Variants in ADAMTSL1 observed in about 807,000 individuals in gnomAD.
The protein encoded by ADAMTSL1 is ADAMTS like 1.
In ADAMTSL1, 126 loss-of-function variants were observed where a neutral mutation model predicts 201.8. The ratio of observed to expected loss-of-function variants is 0.62; its 90% CI spans 0.54 to 0.72. ADAMTSL1 has a LOEUF of 0.72. Ranked by LOEUF, ADAMTSL1 falls within the 30% of genes least tolerant of loss-of-function variation. The pLI, the probability that ADAMTSL1 is intolerant of heterozygous loss-of-function variation, is 0.00. For synonymous variants in ADAMTSL1, 1,121 were observed against 903.4 expected, an observed-to-expected ratio of 1.24 and a Z score of -4.32; for missense variants, 2,679 against 2,277.8, an observed-to-expected ratio of 1.18 and a Z score of -3.59.
chr9:18,899,857 T>G (rs1455894690), intron 26 of ADAMTSL1, among the ~76,000 whole-genome samples: 4 of 139,200 alleles, frequency 2.9e-5, no homozygotes, highest in Non-Finnish European at 6.7e-5. Context: ...ATCGAGGCAA[T>G]ACCATTCAGA....
chr9:18,046,870 C>A (rs1229217703), intron 1 of ADAMTSL1, among the ~76,000 whole-genome samples: 3 of 152,088 alleles, frequency 2.0e-5, no homozygotes, highest in African/African-American at 4.8e-5. Flanking sequence ...TAGGTAAGTT[C>A]TCTGATTCCT....
chr9:18,292,091 G>T lies in ADAMTSL1; in HGVS notation c.207+128110G>T, dbSNP rs558261850. ...AATCCTAGAAGACCAGCCTGTGTCA[G>T]AGCAGTGTTAGGCACTGAAACTACC... On this transcript the variant is annotated intron_variant, in intron 2 of 29. Coordinates refer to the ADAMTSL1 transcript ENST00000680146. Among the ~76,000 whole-genome samples the T allele has an allele frequency of 2.6e-5, 4 of 152,262 alleles. No homozygotes were observed. The South Asian group carries it at 8.3e-4, about 32-fold the overall frequency.
At chr9:18,780,681 T>C (rs922848342) in intron 19 of ADAMTSL1, among the ~76,000 whole-genome samples, 18 of 152,164 alleles carry the variant, frequency 1.2e-4, no homozygotes, top group Non-Finnish European at 2.1e-4. Flanking sequence ...TTTTACTGTA[T>C]TACATAAAAA....
chr9:18,741,329 G>A (rs1399032336), intron 15 of ADAMTSL1, among the ~76,000 whole-genome samples: 1 of 151,894 alleles, frequency 6.6e-6, no homozygotes, highest in Non-Finnish European at 1.5e-5. Flanking sequence ...GAATAGATGG[G>A]TAGAATTAAA....
intron 4 of ADAMTSL1, among the ~76,000 whole-genome samples, chr9:18,583,014 A>G (rs1263815160): frequency 6.6e-6 from 1 of 152,136 alleles, no homozygotes; most frequent in African/African-American, 2.4e-5. Context: ...GCCACATGAA[A>G]CTGTAAGTCT....
At chr9:18,483,120 G>C (rs1391440602) in intron 1 of ADAMTSL1, among the ~76,000 whole-genome samples, 4 of 152,146 alleles carry the variant, frequency 2.6e-5, no homozygotes, top group African/African-American at 9.7e-5. Context: ...TTGAAGGCAG[G>C]GGTTTTGTTT....
At chr9:18,492,915 GT>G (rs1406799388) in intron 1 of ADAMTSL1, among the ~76,000 whole-genome samples, 7 of 152,102 alleles carry the variant, frequency 4.6e-5, no homozygotes, top group Admixed American at 4.6e-4. Flanking sequence ...CTGTTTAGAA[GT>G]TTTTGCTATC....
At chr9:18,474,441 G>C in intron 1 of ADAMTSL1, 146 bp downstream of exon 1, 1 of 844,330 alleles carries the variant, frequency 1.2e-6, no homozygotes, top group South Asian at 1.7e-5. Context: ...TACAAAGAGA[G>C]AATACTCCTT....
chr9:18,443,850 T>G (rs1433412966), intron 2 of ADAMTSL1, among the ~76,000 whole-genome samples: 1 of 152,204 alleles, frequency 6.6e-6, no homozygotes, highest in Non-Finnish European at 1.5e-5. Context: ...AACATGCATT[T>G]GAATAGATTG....
chr9:18,562,997 C>G (rs921114417), intron 3 of ADAMTSL1, among the ~76,000 whole-genome samples: 4 of 152,164 alleles, frequency 2.6e-5, no homozygotes, highest in Non-Finnish European at 4.4e-5. Flanking sequence ...TTATCACCCA[C>G]CTTCTGAAGC....
At chr9:18,591,603 C>T (rs1383329636) in intron 4 of ADAMTSL1, among the ~76,000 whole-genome samples, 2 of 152,030 alleles carry the variant, frequency 1.3e-5, no homozygotes, top group Non-Finnish European at 2.9e-5. Flanking sequence ...TCCTTTTTTA[C>T]TGTCTTTCTT....
chr9:18,126,415 A>G (rs1037589416), intron 1 of ADAMTSL1, among the ~76,000 whole-genome samples: 2 of 152,056 alleles, frequency 1.3e-5, no homozygotes, highest in South Asian at 2.1e-4. Flanking sequence ...TTATCCTTCT[A>G]TTTAGGGTCC....
chr9:18,020,826 C>A lies in ADAMTSL1; in HGVS notation c.87+113904C>A, dbSNP rs116157996. 5.9e-3 allele frequency among the ~76,000 whole-genome samples: 891 copies of A among 152,228 alleles called. 6 individuals carry two copies. The highest frequency in any genetic ancestry group is 0.02 in the African/African-American group (840 of 41,546). On this transcript the variant is annotated intron_variant, in intron 1 of 29. Transcript: ENST00000680146. ...TCAATTTTGTTTGCTATTTGATCAG[C>A]TACTGGCCAAGGAGTGAGCAAAGCG...
intron 2 of ADAMTSL1, among the ~76,000 whole-genome samples, chr9:18,283,228 G>T (rs974170820): frequency 9.2e-5 from 14 of 152,040 alleles, no homozygotes; most frequent in African/African-American, 3.4e-4. Context: ...TTTGTCTTAA[G>T]ATCTATTTTG....
chr9:18,787,855 C>A (rs1821793420), intron 19 of ADAMTSL1, among the ~76,000 whole-genome samples: 1 of 152,132 alleles, frequency 6.6e-6, no homozygotes. Flanking sequence ...TCAGTCATTT[C>A]ATGCAGAGGT....
chr9:18,437,984 C>G (rs945802463), intron 2 of ADAMTSL1, among the ~76,000 whole-genome samples: 2 of 152,188 alleles, frequency 1.3e-5, no homozygotes, highest in African/African-American at 2.4e-5. Flanking sequence ...ATGCCCGCTG[C>G]TGTTGCTGCC....
At chr9:18,315,009 G>C (rs1248974766) in intron 2 of ADAMTSL1, among the ~76,000 whole-genome samples, 2 of 148,888 alleles carry the variant, frequency 1.3e-5, no homozygotes, top group African/African-American at 2.4e-5. Flanking sequence ...TGTTAGCCAG[G>C]ATGGTCTCGA....
At chr9:18,659,357 C>T (rs1451287142) in intron 8 of ADAMTSL1, among the ~76,000 whole-genome samples, 1 of 152,206 alleles carries the variant, frequency 6.6e-6, no homozygotes, top group African/African-American at 2.4e-5. Flanking sequence ...TAAAAGAAGT[C>T]AGTAGAAGTG....
intron 7 of ADAMTSL1, among the ~76,000 whole-genome samples, chr9:18,646,048 A>C (rs989946921): frequency 1.3e-5 from 2 of 151,944 alleles, no homozygotes; most frequent in African/African-American, 4.8e-5. Flanking sequence ...ATTTGTTTGT[A>C]TCCTCTTTTA....
Sources: gnomAD v4.1 joint callset for allele counts (sites outside exome capture counted in the v4.1 genomes callset) on GRCh38, gnomAD v4.1.1 for gene constraint, MANE v1.5 for transcripts, NCBI Gene and HGNC (gene_info 2026-07-23, HGNC 2026-07-21) for gene names.